The following C6orf141 variants were observed in gnomAD, a reference collection of about 807,000 sequenced individuals.
C6orf141 encodes uncharacterized protein C6orf141.
For synonymous variants in C6orf141, 164 were observed against 140.5 expected (o/e 1.17, Z -1.18); for missense variants, 361 against 335.8 (o/e 1.07, Z -0.59).
downstream of C6orf141, chr6:49,552,124 A>G (rs1056645987): frequency 1.5e-5 from 3 of 193,884 alleles, no homozygotes; most frequent in African/African-American, 7.1e-5. Flanking sequence ...CTAAGATTTC[A>G]ACGTGAAATT....
intron 4 of C6orf141, among the ~76,000 whole-genome samples, chr6:49,558,193 A>G (rs1481243011): frequency 6.7e-6 from 1 of 150,016 alleles, no homozygotes; most frequent in Non-Finnish European, 1.5e-5. Context: ...GTGAGCCACC[A>G]TGCCCGGCCT....
chr6:49,559,933 C>T (rs1772939647), intron 4 of C6orf141, among the ~76,000 whole-genome samples: 1 of 152,178 alleles, frequency 6.6e-6, no homozygotes, highest in African/African-American at 2.4e-5. Flanking sequence ...ATCCCAGGCT[C>T]CTGAGGTTAT....
intron 4 of C6orf141, among the ~76,000 whole-genome samples, chr6:49,558,833 G>T (rs941086834): frequency 6.6e-6 from 1 of 151,622 alleles, no homozygotes; most frequent in African/African-American, 2.4e-5. Context: ...TCAGCCTCCC[G>T]AGTAGCTGGG....
rs536000328 is a variant in C6orf141, at chr6:49,558,732, G to A, written c.*764-2972G>A. 4.1e-4 allele frequency among the ~76,000 whole-genome samples: 62 copies of A among 151,946 alleles called. No individual in the cohort carries two copies. In the Middle Eastern group the frequency reaches 0.014, roughly 34 times the overall value. On this transcript the variant is annotated intron_variant and NMD_transcript_variant, in intron 4 of 4. Coordinates refer to the C6orf141 transcript ENST00000371194. ...TTTTTTTTGGGGGGGGTGCGGGATG[G>A]AGTCTTGCTCTGTTGCCCAGGCTGG...
chr6:49,560,431 G>C (rs1773073722), intron 4 of C6orf141: 1 of 152,260 alleles, frequency 6.6e-6, no homozygotes, highest in Non-Finnish European at 1.5e-5. Context: ...CCAGGCAATG[G>C]GTGGGGTTTG....
rs181409793 is a variant in C6orf141 at position 49,561,160 on chromosome 6, C to T, written c.*764-544C>T. 1.6e-3 allele frequency among the ~76,000 whole-genome samples: 235 copies of T among 151,106 alleles called. 3 individuals are homozygous for T. The highest frequency in any genetic ancestry group is 4.5e-3 in the African/African-American group (186 of 41,194). On this transcript the variant is annotated intron_variant and NMD_transcript_variant, in intron 4 of 4. Coordinates refer to the C6orf141 transcript ENST00000371194. ...TCGCCCAGGCTAGAGTTAAGTGGCA[C>T]GATATCAGCTCACTGCAACCTCTGC...
rs537068699 is a variant in C6orf141 at position 49,550,928 on chromosome 6, G to C, written c.136G>C (p.Ala46Pro). Residue 46 changes from alanine (A) to proline (P), a missense_variant, in exon 1 of 1, where the codon GCC becomes CCC. Transcript: ENST00000529246. ...VGRGAPLAPG[A>P]RNPATAGASR... ...GCGCGGGGCTCCGCTAGCTCCGGGC[G>C]CCCGGAATCCCGCGACGGCAGGGGC... The C allele has an allele frequency of 6.5e-7, 1 of 1,542,674 alleles. No individual in the cohort carries two copies. The highest frequency in any genetic ancestry group is 1.4e-5 in the African/African-American group (1 of 72,452).
chr6:49,556,335 T>G (rs1351405968), downstream of C6orf141, among the ~76,000 whole-genome samples: 1 of 152,222 alleles, frequency 6.6e-6, no homozygotes, highest in Admixed American at 6.5e-5. Flanking sequence ...CATAGAGTTT[T>G]GAACACAGTT....
Position 49,550,821 on chromosome 6 carries a change from C to T in C6orf141, c.29C>T (p.Thr10Ile). Residue 10 changes from threonine (T) to isoleucine (I), a missense_variant, in exon 1 of 1, where the codon ACC (threonine) becomes ATC (isoleucine). Transcript: ENST00000529246. Reference protein sequence around the residue: MNDPFARMETRGPQGAANPM... With the variant: MNDPFARMEIRGPQGAANPM... ...AATGACCCTTTTGCCAGGATGGAGACCCGGGGGCCTCAGGGAGCTGCGAAT... is the reference window on the plus strand; with the variant it reads ...AATGACCCTTTTGCCAGGATGGAGATCCGGGGGCCTCAGGGAGCTGCGAAT... 6.8e-7 allele frequency: 1 copy of T among 1,472,470 alleles called. No homozygotes were observed. The highest frequency in any genetic ancestry group is 9.0e-7 in the Non-Finnish European group (1 of 1,114,670). 91.2% of individuals were successfully genotyped at this position (1,472,470 alleles called of 1,614,324 possible).
In C6orf141 at chr6:49,558,059, GTTTTTTT is replaced by G. The variant is rs71002664; in HGVS notation, c.*763+2920_*763+2926del. Among the ~76,000 whole-genome samples, 210 of 97,770 alleles carry G rather than the reference GTTTTTTT, an allele frequency of 2.1e-3. 2 individuals carry two copies. The highest frequency in any genetic ancestry group is 7.7e-3 in the African/African-American group (192 of 24,814). 64.1% of individuals were successfully genotyped at this position (97,770 alleles called of 152,430 possible). ...AGTGCATGCCGTTACACTCAAATAT[GTTTTTTT>G]TTTTTTTTTTTTTTTTTAGTAGAGA... On this transcript the variant is annotated intron_variant and NMD_transcript_variant, in intron 4 of 4. Coordinates refer to the C6orf141 transcript ENST00000371194.
rs1770243173 is a variant in C6orf141 at position 49,550,802 on chromosome 6, C to A, written c.10C>A (p.Pro4Thr). 2.7e-6 allele frequency: 4 copies of A among 1,462,658 alleles called. No individual in the cohort carries two copies. The highest frequency in any genetic ancestry group is 3.6e-6 in the Non-Finnish European group (4 of 1,109,356). 90.6% of individuals were successfully genotyped at this position (1,462,658 alleles called of 1,614,324 possible). A position where few individuals can be genotyped will look rare whatever the true frequency, so the allele number is the denominator to read the frequency against. Residue 4 changes from proline (P) to threonine (T), a missense_variant, in exon 1 of 1, where the codon CCT (proline) becomes ACT (threonine). Physicochemically the swap from Pro to Thr is conservative, Grantham distance 38. Coordinates refer to ENST00000529246, the MANE Select transcript of C6orf141 (RefSeq NM_001145652.2). ...GTCAAAGAAGGAACGAATGAATGAC[C>A]CTTTTGCCAGGATGGAGACCCGGGG... The part of the protein sequence containing the change: MND[P>T]FARMETRGPQ...
chr6:49,558,085 G>A (rs1280561427), intron 4 of C6orf141, among the ~76,000 whole-genome samples: 1 of 46,912 alleles, frequency 2.1e-5, no homozygotes, highest in African/African-American at 7.7e-5. Context: ...TTTTTTTTTA[G>A]TAGAGACGGG....
Position 49,551,593 on chromosome 6 carries a change from T to C in C6orf141, c.*66T>C. ...TCATCCTTAAAAGAAAATGCTATTC[T>C]GGGAGCTCCAACCTGCAATTAACCT... On this transcript the variant is annotated 3_prime_UTR_variant, in exon 1 of 1. Coordinates refer to ENST00000529246, the MANE Select transcript of C6orf141 (RefSeq NM_001145652.2). 6.5e-7 allele frequency: 1 copy of C among 1,527,018 alleles called. No individual in the cohort carries two copies. Among genetic ancestry groups the C allele is most frequent in the Non-Finnish European group, 8.8e-7 (1 of 1,139,836 alleles). 94.6% of individuals were successfully genotyped at this position (1,527,018 alleles called of 1,614,324 possible).
At chr6:49,558,080 T>TTTTTTTTTTTTC (rs1554168745) in intron 4 of C6orf141, among the ~76,000 whole-genome samples, 1 of 138,198 alleles carries the variant, frequency 7.2e-6, no homozygotes, top group Non-Finnish European at 1.5e-5. Context: ...TTTTTTTTTT[T>TTTTTTTTTTTTC]TTTAGTAGAG....
chr6:49,556,262 C>G (rs1388111667), downstream of C6orf141, among the ~76,000 whole-genome samples: 3 of 152,168 alleles, frequency 2.0e-5, no homozygotes. Context: ...CTTACCAAAA[C>G]TGAAAAGTTT....
chr6:49,556,287 C>G (rs550384382), downstream of C6orf141, among the ~76,000 whole-genome samples: 1 of 152,158 alleles, frequency 6.6e-6, no homozygotes, highest in Admixed American at 6.6e-5. Context: ...ATTCTGTATT[C>G]CCAATTAATT....
chr6:49,556,667 G>C (rs1439191082), downstream of C6orf141, among the ~76,000 whole-genome samples: 1 of 152,174 alleles, frequency 6.6e-6, no homozygotes, highest in African/African-American at 2.4e-5. Context: ...TGGGGAAAAG[G>C]TGGAGCCAGA....
In C6orf141 at chr6:49,550,737, G is replaced by A. The variant is rs1770225252; in HGVS notation, c.-56G>A. On this transcript the variant is annotated 5_prime_UTR_variant, in exon 1 of 1. Coordinates refer to ENST00000529246, the MANE Select transcript of C6orf141 (RefSeq NM_001145652.2). ...GCCACACCCAGGGCTTGGTGGTCCC[G>A]CGCTTTCCGGAGCTCAGCAGGCGCT... The A allele has an allele frequency of 7.1e-7, 1 of 1,400,776 alleles. No homozygotes were observed. The highest frequency in any genetic ancestry group is 9.4e-7 in the Non-Finnish European group (1 of 1,065,160). 86.8% of individuals were successfully genotyped at this position (1,400,776 alleles called of 1,614,324 possible).
downstream of C6orf141, among the ~76,000 whole-genome samples, chr6:49,556,463 T>C (rs1771958885): frequency 6.6e-6 from 1 of 152,232 alleles, no homozygotes; most frequent in African/African-American, 2.4e-5. Context: ...TTTGTCCTAA[T>C]GAACCATTGA....
Sources: gnomAD v4.1 joint callset for allele counts (sites outside exome capture counted in the v4.1 genomes callset) on GRCh38, gnomAD v4.1.1 for gene constraint, MANE v1.5 for transcripts, NCBI Gene and HGNC (gene_info 2026-07-23, HGNC 2026-07-21) for gene names.